Variants in KHDRBS2 observed in about 807,000 individuals in gnomAD.
KHDRBS2 encodes the protein KH domain-containing, RNA-binding, signal transduction-associated protein 2.
A neutral mutation model predicts 44.3 loss-of-function variants in KHDRBS2; 26 were observed. That is an observed-to-expected ratio of 0.59 (90% CI 0.43 to 0.81). KHDRBS2 has a LOEUF of 0.81. KHDRBS2 is among the 40% of genes least tolerant of loss of function. The probability of loss-of-function intolerance (pLI) is 0.00; values close to 1 mark genes in which losing one functional copy is unlikely to be tolerated. For synonymous variants in KHDRBS2, 194 were observed against 151.1 expected, an observed-to-expected ratio of 1.28 and a Z score of -2.08; for missense variants, 476 against 433.1, an observed-to-expected ratio of 1.10 and a Z score of -0.88.
chr6:61,650,608 CTTT>C, the KHDRBS2 span, among the ~76,000 whole-genome samples: 14 of 150,136 alleles, frequency 9.3e-5, no homozygotes, highest in Admixed American at 1.3e-4. Flanking sequence ...AACTTAATGC[CTTT>C]TTTTTTTTTA....
At chr6:61,704,948 C>T (rs9450149) in intron 7 of KHDRBS2, among the ~76,000 whole-genome samples, 4,273 of 151,842 alleles carry the variant, frequency 0.028, 220 homozygotes, top group African/African-American at 0.099. Flanking sequence ...TTTGTAAACA[C>T]AATTTATAAT....
rs569170601 is a variant in KHDRBS2, at chr6:61,976,999, T to C, written c.483+1067A>G. ...TAATCAGAACGGTCTGCAATTATTCTATAACCTTGCCTTGACAGAAATTAA... is the reference window on the plus strand; with the variant it reads ...TAATCAGAACGGTCTGCAATTATTCCATAACCTTGCCTTGACAGAAATTAA... On this transcript the variant is annotated intron_variant, in intron 4 of 8. Transcript: ENST00000281156. Among the ~76,000 whole-genome samples, 4 of 152,304 alleles carry C rather than the reference T, an allele frequency of 2.6e-5. No homozygotes were observed. In the South Asian group the frequency reaches 8.3e-4, roughly 32 times the overall value.
the KHDRBS2 span, among the ~76,000 whole-genome samples, chr6:61,655,769 T>G: frequency 1.3e-5 from 2 of 152,080 alleles, no homozygotes; most frequent in Admixed American, 1.3e-4. Flanking sequence ...GATTTTTTAT[T>G]TGTTGAAGTA....
intron 2 of KHDRBS2, among the ~76,000 whole-genome samples, chr6:62,055,414 T>C (rs1164560219): frequency 6.6e-6 from 1 of 152,046 alleles, no homozygotes; most frequent in African/African-American, 2.4e-5. Context: ...GGTCTATGAC[T>C]ATGAAGAGGT....
chr6:61,638,017 T>C, the KHDRBS2 span, among the ~76,000 whole-genome samples: 6 of 152,132 alleles, frequency 3.9e-5, no homozygotes, highest in Non-Finnish European at 5.9e-5. Flanking sequence ...TCTTTTGCTG[T>C]GCAGAAGCTC....
chr6:62,085,752 G>C (rs1030921199), intron 2 of KHDRBS2, among the ~76,000 whole-genome samples: 2 of 152,078 alleles, frequency 1.3e-5, no homozygotes, highest in African/African-American at 4.8e-5. Context: ...TAAGGTTAGA[G>C]TTAGGGTTAG....
intron 7 of KHDRBS2, among the ~76,000 whole-genome samples, chr6:61,698,408 C>A (rs1768166030): frequency 6.6e-6 from 1 of 152,066 alleles, no homozygotes; most frequent in African/African-American, 2.4e-5. Flanking sequence ...CTTCGAATTG[C>A]AAAATATATC....
chr6:61,954,819 T>C (rs1289594363), intron 4 of KHDRBS2, among the ~76,000 whole-genome samples: 1 of 108,424 alleles, frequency 9.2e-6, no homozygotes, highest in African/African-American at 3.8e-5. Context: ...TACGCATGTG[T>C]ATATACACAT....
chr6:61,977,191 T>C (rs915137665), intron 4 of KHDRBS2, among the ~76,000 whole-genome samples: 1 of 152,124 alleles, frequency 6.6e-6, no homozygotes, highest in African/African-American at 2.4e-5. Context: ...AAATCTGCAG[T>C]TTCTTCATTG....
At chr6:61,657,217 A>G in the KHDRBS2 span, among the ~76,000 whole-genome samples, 1 of 151,978 alleles carries the variant, frequency 6.6e-6, no homozygotes, top group Non-Finnish European at 1.5e-5. Context: ...ATGTTTTTAC[A>G]CATGGATGTC....
chr6:61,849,994 G>A (rs1795201443), intron 6 of KHDRBS2, among the ~76,000 whole-genome samples: 1 of 152,034 alleles, frequency 6.6e-6, no homozygotes, highest in African/African-American at 2.4e-5. Context: ...TAGATAATAA[G>A]ACTGGCACCC....
the KHDRBS2 span, among the ~76,000 whole-genome samples, chr6:61,673,704 A>G: frequency 1.4e-5 from 2 of 139,572 alleles, no homozygotes; most frequent in Non-Finnish European, 3.1e-5. Flanking sequence ...ATACCTAGGA[A>G]TCCAACTTAC....
chr6:62,020,649 A>G (rs1782095558), intron 3 of KHDRBS2, among the ~76,000 whole-genome samples: 1 of 151,986 alleles, frequency 6.6e-6, no homozygotes, highest in Admixed American at 6.6e-5. Flanking sequence ...TATAATTTTT[A>G]TATTTTATTT....
At chr6:62,070,916 C>T (rs1348277096) in intron 2 of KHDRBS2, among the ~76,000 whole-genome samples, 1 of 152,140 alleles carries the variant, frequency 6.6e-6, no homozygotes, top group Non-Finnish European at 1.5e-5. Context: ...AATGGCCACA[C>T]TGACTTCCAC....
chr6:62,074,514 C>G (rs1795939419), intron 2 of KHDRBS2, among the ~76,000 whole-genome samples: 1 of 151,860 alleles, frequency 6.6e-6, no homozygotes, highest in South Asian at 2.1e-4. Context: ...TGGCAAGCAG[C>G]CAAACCTAGG....
chr6:61,771,600 A>G (rs966010491), intron 6 of KHDRBS2, among the ~76,000 whole-genome samples: 4 of 152,234 alleles, frequency 2.6e-5, no homozygotes, highest in African/African-American at 4.8e-5. Context: ...AGGCCATTAC[A>G]TAATGGTAAA....
At chr6:61,558,596 T>C in the KHDRBS2 span, among the ~76,000 whole-genome samples, 3 of 152,120 alleles carry the variant, frequency 2.0e-5, no homozygotes, top group South Asian at 6.2e-4. Context: ...CTATATCTCA[T>C]AGGTTTTAGT....
intron 4 of KHDRBS2, among the ~76,000 whole-genome samples, chr6:61,908,451 G>A (rs780955241): frequency 1.4e-4 from 21 of 151,856 alleles, no homozygotes; most frequent in Non-Finnish European, 2.5e-4. Flanking sequence ...TGGCTAATAC[G>A]GTGAAACGCA....
At chr6:61,943,220 C>A (rs1812519879) in intron 4 of KHDRBS2, among the ~76,000 whole-genome samples, 2 of 151,896 alleles carry the variant, frequency 1.3e-5, no homozygotes. Context: ...CCAGGGAATT[C>A]TTCATCATAA....
Sources: allele counts gnomAD v4.1 joint callset (sites outside exome capture counted in the v4.1 genomes callset), GRCh38; gene constraint gnomAD v4.1.1; transcripts MANE v1.5; gene names NCBI Gene and HGNC (gene_info 2026-07-23, HGNC 2026-07-21).